LRBA: variants seen among roughly 807,000 people sequenced by gnomAD.
LRBA encodes the protein lipopolysaccharide-responsive and beige-like anchor protein.
A neutral mutation model predicts 330.0 loss-of-function variants in LRBA; 176 were observed. That is an observed-to-expected ratio of 0.53 (90% confidence interval 0.47 to 0.60). The LOEUF (loss-of-function observed/expected upper bound fraction) is 0.60. Ranked by LOEUF, LRBA falls within the 20% of genes least tolerant of loss-of-function variation. LRBA has a pLI of 0.00. For missense variants in LRBA, 3,259 were observed against 3,444.8 expected, an observed-to-expected ratio of 0.95 and a Z score of 1.35; for synonymous variants, 1,230 against 1,193.0, an observed-to-expected ratio of 1.03 and a Z score of -0.64.
At chr4:150,924,761 C>A (rs1450293621) in intron 4 of LRBA, among the ~76,000 whole-genome samples, 1 of 152,146 alleles carries the variant, frequency 6.6e-6, no homozygotes, top group Non-Finnish European at 1.5e-5. Context: ...CAAGGCCTTG[C>A]TCTCATTTTA....
At chr4:150,893,213 T>C in intron 16 of LRBA, 64 bp from the exon 17 acceptor site, 1 of 799,634 alleles carries the variant, frequency 1.3e-6, no homozygotes, top group Non-Finnish European at 2.1e-6. Context: ...GAATAATGAA[T>C]ACTTCTGAAA....
chr4:150,578,356 GT>G (rs1365710298), intron 40 of LRBA, among the ~76,000 whole-genome samples: 1 of 151,962 alleles, frequency 6.6e-6, no homozygotes, highest in African/African-American at 2.4e-5. Flanking sequence ...CAAGTATTCA[GT>G]TTTGCTTCTA....
At chr4:150,298,199 T>C (rs1259771343) in intron 53 of LRBA, among the ~76,000 whole-genome samples, 5 of 151,960 alleles carry the variant, frequency 3.3e-5, no homozygotes, top group Non-Finnish European at 7.4e-5. Context: ...AGGACATAAT[T>C]CCTAAATATG....
chr4:150,780,862 C>T (rs1374148068), intron 34 of LRBA, among the ~76,000 whole-genome samples: 2 of 151,538 alleles, frequency 1.3e-5, no homozygotes, highest in African/African-American at 2.4e-5. Flanking sequence ...TTACATTTAT[C>T]GTGCATTTTA....
chr4:150,474,797 A>G (rs1756532269), intron 42 of LRBA, among the ~76,000 whole-genome samples: 1 of 151,958 alleles, frequency 6.6e-6, no homozygotes, highest in Non-Finnish European at 1.5e-5. Flanking sequence ...TCCTTATTGC[A>G]CAAACTAACA....
At chr4:150,333,231 T>C (rs1224614673) in intron 48 of LRBA, among the ~76,000 whole-genome samples, 2 of 152,210 alleles carry the variant, frequency 1.3e-5, no homozygotes, top group Non-Finnish European at 2.9e-5. Context: ...ATAAATATTG[T>C]AAAATTTTAT....
intron 28 of LRBA, among the ~76,000 whole-genome samples, chr4:150,840,321 T>C (rs142991956): frequency 6.6e-6 from 1 of 152,376 alleles, no homozygotes; most frequent in African/African-American, 2.4e-5. Flanking sequence ...AGCCCAGCTT[T>C]TGGCCTGTAT....
In LRBA at chr4:150,683,680, T is replaced by C; in HGVS notation, c.5792A>G (p.Asp1931Gly). Residue 1931 changes from aspartate to glycine, a missense_variant, in exon 37 of 57, where the codon GAT becomes GGT. By Grantham distance (94) the Asp-to-Gly change is moderately conservative (BLOSUM62 -1). Transcript: ENST00000651943. ...CAQYSADKRE[D>G]EKMCDHLIRA... ...TATCAAATGATCACACATCTTCTCA[T>C]CTTCTCGTTTGTCTGCAGAATACTG... The C allele has an allele frequency of 6.2e-7, 1 of 1,613,690 alleles. No individual in the cohort carries two copies. The highest frequency in any genetic ancestry group is 8.5e-7 in the Non-Finnish European group (1 of 1,179,784).
chr4:150,521,439 G>T (rs1028688639), intron 40 of LRBA, among the ~76,000 whole-genome samples: 1 of 151,868 alleles, frequency 6.6e-6, no homozygotes. Context: ...TTTTATTGTG[G>T]AGATTGGGTT....
In LRBA at chr4:150,928,633, A is replaced by C. The variant is rs1465481925; in HGVS notation, c.449-17T>G. On this transcript the variant is annotated splice_polypyrimidine_tract_variant and intron_variant, in intron 3 of 56. Transcript: ENST00000651943. ...CCAAAAGATCTGGAAACAAAAGAAA[A>C]CGATAAAATAACTCAGCTAGTTATA... 1 of 1,577,466 alleles carries C rather than the reference A, an allele frequency of 6.3e-7. No individual in the cohort carries two copies. The highest frequency in any genetic ancestry group is 8.7e-7 in the Non-Finnish European group (1 of 1,149,894).
At chr4:150,952,077 T>C (rs946011048) in intron 2 of LRBA, among the ~76,000 whole-genome samples, 1 of 152,228 alleles carries the variant, frequency 6.6e-6, no homozygotes, top group Non-Finnish European at 1.5e-5. Flanking sequence ...GAACACTAAG[T>C]GTCCACTACC....
At chr4:150,324,710 T>C (rs1339065324) in intron 49 of LRBA, among the ~76,000 whole-genome samples, 1 of 152,156 alleles carries the variant, frequency 6.6e-6, no homozygotes, top group Non-Finnish European at 1.5e-5. Flanking sequence ...AAAATTCTGC[T>C]ATCTCTACAC....
intron 44 of LRBA, among the ~76,000 whole-genome samples, chr4:150,452,598 T>C (rs1213954153): frequency 6.9e-6 from 1 of 144,848 alleles, no homozygotes; most frequent in East Asian, 2.0e-4. Flanking sequence ...CTCCAGCCTG[T>C]GCAACAGAGC....
At chr4:150,539,849 A>G (rs1765123087) in intron 40 of LRBA, among the ~76,000 whole-genome samples, 2 of 152,222 alleles carry the variant, frequency 1.3e-5, no homozygotes, top group African/African-American at 2.4e-5. Flanking sequence ...CTGAAACTGT[A>G]TATTTTATCA....
chr4:150,296,527 G>A (rs1257338435), intron 53 of LRBA, among the ~76,000 whole-genome samples: 1 of 151,906 alleles, frequency 6.6e-6, no homozygotes, highest in Admixed American at 6.6e-5. Flanking sequence ...TTAGATAATG[G>A]CCCTGTTAAA....
At chr4:151,008,988 A>AAAAAAAAAATATATAT (rs1554018903) in intron 2 of LRBA, among the ~76,000 whole-genome samples, 2 of 5,524 alleles carry the variant, frequency 3.6e-4, no homozygotes, top group African/African-American at 9.3e-4. Flanking sequence ...AAAAAAAAAA[A>AAAAAAAAAATATATAT]ATATATATAT....
At chr4:150,608,220 A>G (rs941945894) in intron 37 of LRBA, among the ~76,000 whole-genome samples, 2 of 152,148 alleles carry the variant, frequency 1.3e-5, no homozygotes, top group South Asian at 2.1e-4. Flanking sequence ...CAAAAAATAT[A>G]TAAGAAAATA....
At chr4:150,643,842 C>T (rs986219833) in intron 37 of LRBA, among the ~76,000 whole-genome samples, 2 of 151,906 alleles carry the variant, frequency 1.3e-5, no homozygotes, top group African/African-American at 4.8e-5. Context: ...AAATTCATAT[C>T]TAAGCTTCCA....
rs149415271 is a variant in LRBA, at chr4:150,503,226, T to C, written c.6331-12191A>G. 4.9e-3 allele frequency among the ~76,000 whole-genome samples: 751 copies of C among 152,268 alleles called. 3 individuals carry two copies. Among genetic ancestry groups the C allele is most frequent in the Middle Eastern group, 0.014 (4 of 294 alleles). On this transcript the variant is annotated intron_variant, in intron 40 of 56. Transcript: ENST00000651943. ...AGTAGTGGTTCTCCCAGCATGCAGATTGAGATCTGAGAACAGGCAGACCGC... is the reference window on the plus strand; with the variant it reads ...AGTAGTGGTTCTCCCAGCATGCAGACTGAGATCTGAGAACAGGCAGACCGC...
Sources: gnomAD v4.1 joint callset for allele counts (sites outside exome capture counted in the v4.1 genomes callset) on GRCh38, gnomAD v4.1.1 for gene constraint, MANE v1.5 for transcripts, NCBI Gene and HGNC (gene_info 2026-07-23, HGNC 2026-07-21) for gene names.